TENM2: variants seen among roughly 807,000 people sequenced by gnomAD.
TENM2 encodes the protein teneurin transmembrane protein 2.
In TENM2, 52 loss-of-function variants were observed where a neutral mutation model predicts 245.2. The observed-to-expected ratio is 0.21, with a 90% CI of 0.17 to 0.27. TENM2 has a LOEUF of 0.27. Ranked by LOEUF, TENM2 falls within the 10% of genes least tolerant of loss-of-function variation. The pLI is 1.00. For synonymous variants in TENM2, 1,363 were observed against 1,438.9 expected (o/e 0.95, Z 1.19); for missense variants, 3,046 against 3,666.8 (o/e 0.83, Z 4.37).
At chr5:167,968,617 A>G (rs1781550277) in intron 4 of TENM2, among the ~76,000 whole-genome samples, 1 of 152,218 alleles carries the variant, frequency 6.6e-6, no homozygotes, top group African/African-American at 2.4e-5. Context: ...ACAAAGGGTT[A>G]AAATCCCGCC....
intron 1 of TENM2, among the ~76,000 whole-genome samples, chr5:167,291,333 C>T (rs1754623605): frequency 6.6e-6 from 1 of 152,230 alleles, no homozygotes; most frequent in African/African-American, 2.4e-5. Flanking sequence ...AATTAGCTTA[C>T]TTGAAAGGGT....
At chr5:166,993,309 T>C in the TENM2 span, among the ~76,000 whole-genome samples, 1 of 152,068 alleles carries the variant, frequency 6.6e-6, no homozygotes, top group Non-Finnish European at 1.5e-5. Context: ...CTGTGTGCCC[T>C]CCCGCGAGGG....
intron 7 of TENM2, among the ~76,000 whole-genome samples, chr5:168,080,562 G>C (rs1194407095): frequency 6.6e-5 from 10 of 151,872 alleles, no homozygotes; most frequent in African/African-American, 2.4e-4. Context: ...TCTCTTGTGG[G>C]CATTTAGTGC....
rs1396883063 is a variant in TENM2 at position 168,244,782 on chromosome 5, T to C, written c.5817+66T>C. On this transcript the variant is annotated intron_variant, in intron 26 of 28. Transcript: ENST00000518659. This position sits in a 1 kb window ranked among gnomAD's most constrained non-coding sequence, Gnocchi z 4.9. The stretch of plus-strand genomic sequence containing the variant: ...ATTTCTGTTATTCCGGCTTCTTTTT[T>C]TTTTTGAGACAGAGACTTGCTCTGT... 3 of 1,329,482 alleles carry C rather than the reference T, an allele frequency of 2.3e-6. No homozygotes were observed. Among genetic ancestry groups the C allele is most frequent in the Non-Finnish European group, 2.9e-6 (3 of 1,024,048 alleles). The allele number at this position is 1,329,482 out of a possible 1,614,324, so 82.4% of individuals were successfully genotyped here.
chr5:168,247,234 C>G lies in TENM2; in HGVS notation c.6295C>G (p.Arg2099Gly). The G allele has an allele frequency of 1.2e-6, 2 of 1,613,900 alleles. No individual in the cohort carries two copies. Among genetic ancestry groups the G allele is most frequent in the Non-Finnish European group, 1.7e-6 (2 of 1,179,888 alleles). The change falls in exon 27 of 29, where the codon CGC becomes GGC. Residue 2099 changes from arginine (R) to glycine (G), a missense_variant. By Grantham distance (125) the Arg-to-Gly change is moderately radical (BLOSUM62 -2). Transcript: ENST00000518659. This position sits in a 1 kb window ranked among gnomAD's most constrained non-coding sequence, Gnocchi z 7.8. ...CTACACCTATCATGACAACAGCTTCCGCATCGCAAGCATCAAGCCCGTCAT... is the reference window on the plus strand; with the variant it reads ...CTACACCTATCATGACAACAGCTTCGGCATCGCAAGCATCAAGCCCGTCAT...
intron 2 of TENM2, among the ~76,000 whole-genome samples, chr5:167,608,327 G>T (rs1777204067): frequency 6.6e-6 from 1 of 152,198 alleles, no homozygotes; most frequent in South Asian, 2.1e-4. Flanking sequence ...CTCTCCAGGG[G>T]AGTGTCTCCC....
At chr5:168,052,205 G>A (rs1789151036) in intron 6 of TENM2, among the ~76,000 whole-genome samples, 1 of 151,994 alleles carries the variant, frequency 6.6e-6, no homozygotes, top group African/African-American at 2.4e-5. Flanking sequence ...GGCTAACATG[G>A]TGAGACCCCG....
intron 12 of TENM2, among the ~76,000 whole-genome samples, chr5:168,147,991 A>G (rs574574430): frequency 1.3e-5 from 2 of 152,324 alleles, no homozygotes; most frequent in Admixed American, 1.3e-4. Context: ...AAACTCTGAG[A>G]TGGTTAGAGA....
At position 168,032,323 on chromosome 5, in the gene TENM2, T is replaced by A. The variant is rs539121721; in HGVS notation, c.1187-15104T>A. On this transcript the variant is annotated intron_variant, in intron 5 of 28. Coordinates refer to ENST00000518659, the Ensembl canonical transcript of TENM2. ...TGTTAGCTATGATTCTTACTGAAAA[T>A]TGCCTTGAGAGTTTGCCATATCTGG... Among the ~76,000 whole-genome samples, 27 of 152,314 alleles carry A rather than the reference T, an allele frequency of 1.8e-4. 1 individual carries two copies. The highest frequency in any genetic ancestry group is 6.0e-4 in the African/African-American group (25 of 41,576).
intron 23 of TENM2, among the ~76,000 whole-genome samples, chr5:168,224,299 TA>T (rs1189511587): frequency 6.6e-6 from 1 of 152,152 alleles, no homozygotes; most frequent in Non-Finnish European, 1.5e-5. Context: ...GGGCGAGTGA[TA>T]GCGGTGGATC....
At chr5:167,248,564 A>G in the TENM2 span, among the ~76,000 whole-genome samples, 1 of 152,128 alleles carries the variant, frequency 6.6e-6, no homozygotes, top group Non-Finnish European at 1.5e-5. Flanking sequence ...AAGCAGCTGA[A>G]CATCCCCCGG....
At chr5:167,814,783 T>A (rs1766918162) in intron 2 of TENM2, among the ~76,000 whole-genome samples, 1 of 151,722 alleles carries the variant, frequency 6.6e-6, no homozygotes, top group Non-Finnish European at 1.5e-5. Context: ...GAAACGAAAG[T>A]CAGAAACAAT....
intron 13 of TENM2, chr5:168,164,993 AT>A (rs1324011402): frequency 2.0e-5 from 3 of 152,130 alleles, no homozygotes; most frequent in Non-Finnish European, 4.4e-5. Flanking sequence ...AGTATTAGAT[AT>A]TCTATTTTTA....
the TENM2 span, among the ~76,000 whole-genome samples, chr5:167,034,082 A>G: frequency 2.0e-5 from 3 of 152,224 alleles, no homozygotes; most frequent in Non-Finnish European, 4.4e-5. Flanking sequence ...CTTTCTGACC[A>G]TAAATGTACC....
At chr5:167,495,392 G>A (rs1164927198) in intron 2 of TENM2, among the ~76,000 whole-genome samples, 1 of 151,868 alleles carries the variant, frequency 6.6e-6, no homozygotes, top group African/African-American at 2.4e-5. Flanking sequence ...CTTCAACATA[G>A]TCTCCAGTCA....
At chr5:167,493,810 G>A (rs1442644261) in intron 2 of TENM2, among the ~76,000 whole-genome samples, 2 of 152,040 alleles carry the variant, frequency 1.3e-5, no homozygotes, top group African/African-American at 4.8e-5. Flanking sequence ...GGAGTATTTG[G>A]CTTCAGGGAG....
chr5:167,230,185 C>T, the TENM2 span, among the ~76,000 whole-genome samples: 6 of 152,128 alleles, frequency 3.9e-5, no homozygotes, highest in African/African-American at 1.4e-4. Context: ...TGTCTCTGAA[C>T]AGTTTCCAGG....
intron 2 of TENM2, among the ~76,000 whole-genome samples, chr5:167,443,065 T>A (rs1764958980): frequency 6.6e-6 from 1 of 152,188 alleles, no homozygotes; most frequent in Non-Finnish European, 1.5e-5. Context: ...TCACACTGAT[T>A]GATGGGCTTT....
exon 17 of TENM2, chr5:168,200,037 G>T (rs911369543): frequency 6.2e-7 from 1 of 1,613,966 alleles, no homozygotes; most frequent in Non-Finnish European, 8.5e-7. Flanking sequence ...TCTTCCAGAA[G>T]TCATTCCAGG....
Sources: gnomAD v4.1 joint callset for allele counts (sites outside exome capture counted in the v4.1 genomes callset) on GRCh38, gnomAD v4.1.1 for gene constraint, Gnocchi (gnomAD v3.1) non-coding constraint, MANE v1.5 for transcripts, NCBI Gene and HGNC (gene_info 2026-07-23, HGNC 2026-07-21) for gene names.